Variants in WNT7B observed in about 807,000 individuals in gnomAD.
WNT7B encodes the protein Wnt family member 7B.
WNT7B carries 19 observed loss-of-function variants against 38.2 expected under a neutral mutation model. The ratio of observed to expected loss-of-function variants is 0.50; its 90% CI spans 0.35 to 0.73. WNT7B has a LOEUF of 0.73. Among genes scored for constraint, WNT7B ranks in the 30% least tolerant of loss-of-function variants. WNT7B has a pLI of 0.01. For missense variants in WNT7B, 423 were observed against 507.9 expected (o/e 0.83, Z 1.61); for synonymous variants, 243 against 209.3 (o/e 1.16, Z -1.39).
At chr22:45,925,400 T>C in intron 3 of WNT7B, 10 of 985,308 alleles carry the variant, frequency 1.0e-5, no homozygotes, top group Non-Finnish European at 1.2e-5. Flanking sequence ...GGGAGGCTGA[T>C]GTCCCTCCCA....
At chr22:45,930,992 G>T in intron 3 of WNT7B, 106 bp downstream of exon 3, 1 of 1,422,352 alleles carries the variant, frequency 7.0e-7, no homozygotes, top group Non-Finnish European at 9.2e-7. Flanking sequence ...GCACACCTAC[G>T]GAGACTCAAC....
At position 45,966,428 on chromosome 22, in the gene WNT7B, G is replaced by C. The variant is rs1348815299; in HGVS notation, c.71+10256C>G. Among the ~76,000 whole-genome samples the C allele has an allele frequency of 2.6e-5, 4 of 152,202 alleles. No individual in the cohort carries two copies. The highest frequency in any genetic ancestry group is 5.9e-5 in the Non-Finnish European group (4 of 68,038). On this transcript the variant is annotated intron_variant, in intron 1 of 3. Transcript: ENST00000339464. The surrounding 1 kb of genome is among the most constrained non-coding windows in gnomAD (Gnocchi z 4.2). ...CTCCCTCCGGCCTGGCCCATTCAGA[G>C]CTCCAACAGGGCACGGAAGGGTTGG...
At chr22:45,969,768 G>A (rs752507019) in intron 1 of WNT7B, among the ~76,000 whole-genome samples, 12 of 152,238 alleles carry the variant, frequency 7.9e-5, no homozygotes, top group Admixed American at 3.9e-4. Context: ...GTCAGCCAGC[G>A]TCTGGGATCC....
At chr22:45,956,995 A>C (rs572143857) in intron 1 of WNT7B, among the ~76,000 whole-genome samples, 14 of 151,950 alleles carry the variant, frequency 9.2e-5, no homozygotes, top group African/African-American at 2.4e-4. Flanking sequence ...AGTCCCAGCT[A>C]CTCAGGAAGC....
intron 1 of WNT7B, among the ~76,000 whole-genome samples, chr22:45,970,852 C>T (rs1168541348): frequency 1.3e-5 from 2 of 152,220 alleles, no homozygotes; most frequent in African/African-American, 4.8e-5. Context: ...TCAGGCGGTC[C>T]CCACCCGCAT....
chr22:45,976,617 G>A lies in WNT7B; in HGVS notation c.71+67C>T. 3 of 1,536,850 alleles carry A rather than the reference G, an allele frequency of 2.0e-6. No homozygotes were observed. Among genetic ancestry groups the A allele is most frequent in the Non-Finnish European group, 2.7e-6 (3 of 1,129,216 alleles). On this transcript the variant is annotated intron_variant, in intron 1 of 3. Coordinates refer to ENST00000339464, the MANE Select transcript of WNT7B (RefSeq NM_058238.3). The surrounding 1 kb of genome is among the most constrained non-coding windows in gnomAD (Gnocchi z 8.5). ...CCAGTCCCCACGTCCCCACGGGGAC[G>A]CCCCGGAGGCAGCTCCTTCGTGCTG...
intron 2 of WNT7B, among the ~76,000 whole-genome samples, chr22:45,944,210 G>A (rs1045105789): frequency 3.3e-5 from 5 of 152,214 alleles, no homozygotes; most frequent in Non-Finnish European, 5.9e-5. Context: ...TCAGGGCTCC[G>A]CTGGGGAGGA....
intron 2 of WNT7B, among the ~76,000 whole-genome samples, chr22:45,942,336 C>T (rs941794340): frequency 1.3e-5 from 2 of 152,234 alleles, no homozygotes; most frequent in African/African-American, 4.8e-5. Flanking sequence ...GCTGTCCACA[C>T]CCCAGCCTGC....
chr22:45,944,821 G>A (rs73888717), intron 2 of WNT7B, among the ~76,000 whole-genome samples: 3,862 of 152,178 alleles, frequency 0.025, 164 homozygotes, highest in African/African-American at 0.088. Flanking sequence ...TCCCACCCCC[G>A]CGCTGACTGT....
rs79828342 is a variant in WNT7B at position 45,921,310 on chromosome 22, G to A, written c.*1546C>T. 1 of 152,352 alleles carries A rather than the reference G, an allele frequency of 6.6e-6. No individual in the cohort carries two copies. The highest frequency in any genetic ancestry group is 2.4e-5 in the African/African-American group (1 of 41,446). 9.4% of individuals were successfully genotyped at this position (152,352 alleles called of 1,614,324 possible). On this transcript the variant is annotated 3_prime_UTR_variant, in exon 4 of 4. Transcript: ENST00000339464. Reference sequence around the variant, plus strand: ...CTCAGCACTGGGGTCAGGGTAAAAGGACCAGGACAGGGCTAGGCGAAGCCT... The same window carrying A: ...CTCAGCACTGGGGTCAGGGTAAAAGAACCAGGACAGGGCTAGGCGAAGCCT...
At chr22:45,944,583 TGA>T (rs1931750168) in intron 2 of WNT7B, among the ~76,000 whole-genome samples, 1 of 152,136 alleles carries the variant, frequency 6.6e-6, no homozygotes, top group South Asian at 2.1e-4. Context: ...GCTGGGCCCC[TGA>T]GATGAGGGTG....
intron 2 of WNT7B, among the ~76,000 whole-genome samples, chr22:45,947,132 G>A (rs1366516438): frequency 6.6e-6 from 1 of 152,246 alleles, no homozygotes; most frequent in Non-Finnish European, 1.5e-5. Context: ...GAAGGGGAAC[G>A]GGGCCTGGCG....
Position 45,925,256 on chromosome 22 carries a change from C to T in WNT7B, c.571-1921G>A, listed in dbSNP as rs933407246. On this transcript the variant is annotated intron_variant, in intron 3 of 3. Coordinates refer to ENST00000339464, the MANE Select transcript of WNT7B (RefSeq NM_058238.3). ...AGGTGGGTGCTGTGTGGGCCCTAGG[C>T]TGGCAGGTGGGTGCCGGGTGGGCCC... is the stretch of plus-strand genomic sequence containing the variant. The T allele has an allele frequency of 7.2e-6, 7 of 975,702 alleles. No homozygotes were observed. In the African/African-American group the frequency reaches 1.3e-4, roughly 18 times the overall value. The allele number at this position is 975,702 out of a possible 1,614,324, so 60.4% of individuals were successfully genotyped here. A position where few individuals can be genotyped will look rare whatever the true frequency, so the allele number is the denominator to read the frequency against.
intron 1 of WNT7B, among the ~76,000 whole-genome samples, chr22:45,950,697 C>G (rs115296211): frequency 0.018 from 2,763 of 152,348 alleles, 71 homozygotes; most frequent in African/African-American, 0.062. Flanking sequence ...TGAGAAGGCA[C>G]TCCCCGTCTG....
chr22:45,972,249 G>A (rs1457712107), intron 1 of WNT7B: 6 of 640,876 alleles, frequency 9.4e-6, no homozygotes, highest in Non-Finnish European at 1.7e-5. Flanking sequence ...GTGGGCCGGC[G>A]TGCCTGGCGG....
chr22:45,943,291 C>T (rs1441850312), intron 2 of WNT7B, among the ~76,000 whole-genome samples: 1 of 152,248 alleles, frequency 6.6e-6, no homozygotes, highest in African/African-American at 2.4e-5. Flanking sequence ...TCTTCCCTGC[C>T]GTTGTCATAA....
chr22:45,972,116 G>GGGGGGGGGGCCCCCCCCCCCCC, intron 1 of WNT7B: 2 of 530,742 alleles, frequency 3.8e-6, no homozygotes, highest in Admixed American at 4.1e-5. Context: ...CCCGGGGGGA[G>GGGGGGGGGGCCCCCCCCCCCCC]CCCACCCGCC....
chr22:45,926,686 C>T (rs564256643), intron 3 of WNT7B: 75 of 981,020 alleles, frequency 7.6e-5, no homozygotes, highest in East Asian at 7.0e-4. Context: ...CCATGCTGGC[C>T]GGTCCCTGCC....
intron 1 of WNT7B, among the ~76,000 whole-genome samples, chr22:45,968,794 C>T (rs1932366939): frequency 6.6e-6 from 1 of 152,158 alleles, no homozygotes; most frequent in Non-Finnish European, 1.5e-5. Flanking sequence ...TTGAACCCCA[C>T]ATGCACACCC....
Sources: gnomAD v4.1 joint callset for allele counts (sites outside exome capture counted in the v4.1 genomes callset) on GRCh38, gnomAD v4.1.1 for gene constraint, Gnocchi (gnomAD v3.1) non-coding constraint, MANE v1.5 for transcripts, NCBI Gene and HGNC (gene_info 2026-07-23, HGNC 2026-07-21) for gene names.